Variants in BBS4 observed in about 807,000 individuals in gnomAD.
BBS4 encodes the protein BBSome complex member BBS4.
Under a neutral mutation model 71.4 loss-of-function variants are expected in BBS4, and 58 were observed. The ratio of observed to expected loss-of-function variants is 0.81; its 90% confidence interval spans 0.66 to 1.01. BBS4 has a LOEUF of 1.01. BBS4 is among the 50% of genes least tolerant of loss of function. The pLI is 0.00. For missense variants in BBS4, 660 were observed against 607.9 expected (o/e 1.09, Z -0.90); for synonymous variants, 228 against 216.8 (o/e 1.05, Z -0.46).
At chr15:72,735,494 T>C (rs1339444642) in intron 13 of BBS4, 1 of 518,224 alleles carries the variant, frequency 1.9e-6, no homozygotes, top group Non-Finnish European at 3.5e-6. Flanking sequence ...TCTGGGCTGT[T>C]TAATTCAAGA....
intron 12 of BBS4, among the ~76,000 whole-genome samples, chr15:72,733,876 T>C (rs1050299730): frequency 6.6e-6 from 1 of 152,192 alleles, no homozygotes; most frequent in African/African-American, 2.4e-5. Context: ...TTGAACTAAT[T>C]TACACTCCCA....
At chr15:72,691,743 T>C (rs2064987750) in intron 1 of BBS4, among the ~76,000 whole-genome samples, 1 of 152,082 alleles carries the variant, frequency 6.6e-6, no homozygotes, top group Non-Finnish European at 1.5e-5. Context: ...AGGCTGCGGA[T>C]CATGAGGTCA....
At chr15:72,731,826 C>T in intron 12 of BBS4, 100 bp downstream of exon 12, 1 of 1,405,620 alleles carries the variant, frequency 7.1e-7, no homozygotes. Flanking sequence ...AGGAGCCATT[C>T]CCTTAGAGAT....
intron 1 of BBS4, among the ~76,000 whole-genome samples, chr15:72,688,721 A>G (rs1219731287): frequency 6.6e-6 from 1 of 152,194 alleles, no homozygotes; most frequent in African/African-American, 2.4e-5. Flanking sequence ...TAATACAATT[A>G]AAAGAACCCA....
rs899861140 is a variant in BBS4 at position 72,716,690 on chromosome 15, G to A, written c.333-88G>A. The A allele has an allele frequency of 2.9e-6, 3 of 1,017,896 alleles. No homozygotes were observed. The African/African-American group carries it at 4.8e-5, about 16-fold the overall frequency. 63.1% of individuals were successfully genotyped at this position (1,017,896 alleles called of 1,614,324 possible). On this transcript the variant is annotated intron_variant, in intron 5 of 15. Transcript: ENST00000268057. The stretch of plus-strand genomic sequence containing the variant: ...GAAAAGGCTTCTAGAATTCTCTGCT[G>A]GATGAAATATGATTAAAATGTGGGA...
rs754328622 is a variant in BBS4, at chr15:72,695,244, C to T, written c.76+16C>T. The T allele has an allele frequency of 6.5e-6, 10 of 1,534,460 alleles. No homozygotes were observed. The East Asian group carries it at 1.4e-4, about 21-fold the overall frequency. ...CAGAAAAAAGGTCTGTATGCAGTTT[C>T]ATGGTATGTGTATGTTTGCACAGAC... On this transcript the variant is annotated intron_variant, in intron 2 of 15. Coordinates refer to ENST00000268057, the MANE Select transcript of BBS4 (RefSeq NM_033028.5).
chr15:72,714,227 T>A (rs1347156331), intron 4 of BBS4, among the ~76,000 whole-genome samples: 1 of 144,478 alleles, frequency 6.9e-6, no homozygotes, highest in African/African-American at 2.5e-5. Flanking sequence ...TTACTTTTTT[T>A]TTTTTTTTTT....
chr15:72,702,802 C>CTTATT (rs2065194572), intron 2 of BBS4, among the ~76,000 whole-genome samples: 1 of 73,486 alleles, frequency 1.4e-5, no homozygotes, highest in African/African-American at 4.6e-5. Flanking sequence ...GGAGCTGACT[C>CTTATT]TTTTTTTTTT....
At chr15:72,733,156 C>G (rs1595949759) in intron 12 of BBS4, among the ~76,000 whole-genome samples, 1 of 152,086 alleles carries the variant, frequency 6.6e-6, no homozygotes, top group Non-Finnish European at 1.5e-5. Flanking sequence ...GTCAAAACAT[C>G]AGAATAAAAA....
intron 2 of BBS4, among the ~76,000 whole-genome samples, chr15:72,700,391 A>T (rs184536711): frequency 2.6e-4 from 39 of 152,320 alleles, no homozygotes. Context: ...GTGGTTGTAC[A>T]GTTTTACCCG....
chr15:72,693,569 A>G (rs1475484955), intron 1 of BBS4, among the ~76,000 whole-genome samples: 2 of 152,238 alleles, frequency 1.3e-5, no homozygotes, highest in Admixed American at 6.5e-5. Flanking sequence ...TTATGTAAAC[A>G]TGAGTGTGGG....
intron 2 of BBS4, among the ~76,000 whole-genome samples, chr15:72,708,494 A>G (rs2065305940): frequency 1.3e-5 from 2 of 152,302 alleles, no homozygotes; most frequent in South Asian, 4.1e-4. Context: ...CCACTATGAT[A>G]ATTGTGTTAA....
rs538305873 is a variant in BBS4 at position 72,706,251 on chromosome 15, C to T, written c.77-3449C>T. Among the ~76,000 whole-genome samples the T allele has an allele frequency of 4.5e-4, 68 of 152,290 alleles. No homozygotes were observed. In the South Asian group the frequency reaches 7.5e-3, roughly 17 times the overall value. On this transcript the variant is annotated intron_variant, in intron 2 of 15. Transcript: ENST00000268057. ...TCCTGGGTTCAAGCGATTCTTTTGC[C>T]TCAGCCTCCCGAGTAGCTGGGATTA...
chr15:72,731,628 T>G lies in BBS4; in HGVS notation c.938T>G (p.Val313Gly). The G allele has an allele frequency of 6.2e-7, 1 of 1,614,212 alleles. No homozygotes were observed. Among genetic ancestry groups the G allele is most frequent in the Non-Finnish European group, 8.5e-7 (1 of 1,180,042 alleles). Residue 313 changes from valine to glycine, a missense_variant, in exon 12 of 16, where the codon GTC becomes GGC. Coordinates refer to ENST00000268057, the MANE Select transcript of BBS4 (RefSeq NM_033028.5). Reference protein sequence around the residue: ...DWKILYNLGLVHLTMQQYASA... With the variant: ...DWKILYNLGLGHLTMQQYASA... ...AAGATTCTGTATAATTTGGGCCTTGTCCATTTGACCATGCAGCAGTATGCA... is the reference window on the plus strand; with the variant it reads ...AAGATTCTGTATAATTTGGGCCTTGGCCATTTGACCATGCAGCAGTATGCA...
In BBS4 at chr15:72,711,658, T is replaced by TA. The variant is rs1259858761; in HGVS notation, c.157-579dup. ...CTTATTTTTTATAACCCTTTAGAAA[T>TA]AAAAAAACCACTGTTAGCTTGAGAG... is the stretch of plus-strand genomic sequence containing the variant. On this transcript the variant is annotated intron_variant, in intron 3 of 15. Transcript: ENST00000268057. Among the ~76,000 whole-genome samples, 11 of 152,012 alleles carry TA rather than the reference T, an allele frequency of 7.2e-5. No homozygotes were observed. In the East Asian group the frequency reaches 1.2e-3, roughly 16 times the overall value.
chr15:72,733,354 C>CGT (rs1555501995), intron 12 of BBS4, among the ~76,000 whole-genome samples: 1 of 151,600 alleles, frequency 6.6e-6, no homozygotes, highest in East Asian at 1.9e-4. Flanking sequence ...TACACAGGCA[C>CGT]GTGTGTCATG....
At chr15:72,689,884 C>T (rs1030269453) in intron 1 of BBS4, among the ~76,000 whole-genome samples, 4 of 152,012 alleles carry the variant, frequency 2.6e-5, no homozygotes, top group African/African-American at 9.7e-5. Flanking sequence ...GATCTCGGCT[C>T]ACTGCAACCT....
At chr15:72,712,921 C>G (rs1453121705) in intron 4 of BBS4, among the ~76,000 whole-genome samples, 1 of 151,996 alleles carries the variant, frequency 6.6e-6, no homozygotes, top group Non-Finnish European at 1.5e-5. Context: ...AACTTTTTGG[C>G]TCTTTTGGGG....
At chr15:72,725,309 T>A (rs148957734) in intron 8 of BBS4, among the ~76,000 whole-genome samples, 1 of 152,096 alleles carries the variant, frequency 6.6e-6, no homozygotes, top group Non-Finnish European at 1.5e-5. Flanking sequence ...GCTCAAGCGA[T>A]CCTCCTGCCT....
Sources: gnomAD v4.1 joint callset for allele counts (sites outside exome capture counted in the v4.1 genomes callset) on GRCh38, gnomAD v4.1.1 for gene constraint, MANE v1.5 for transcripts, NCBI Gene and HGNC (gene_info 2026-07-23, HGNC 2026-07-21) for gene names.